The following ABL1 variants were observed in gnomAD, a reference collection of about 807,000 sequenced individuals.
The protein encoded by ABL1 is ABL proto-oncogene 1, non-receptor tyrosine kinase.
ABL1 carries 11 observed loss-of-function variants against 94.7 expected under a neutral mutation model. The ratio of observed to expected loss-of-function variants is 0.12; its 90% CI spans 0.07 to 0.19. The LOEUF is 0.19. Among genes scored for constraint, ABL1 ranks in the 10% least tolerant of loss-of-function variants. The pLI is 1.00. For missense variants in ABL1, 1,082 were observed against 1,489.4 expected (o/e 0.73, Z 4.50); for synonymous variants, 656 against 622.4 (o/e 1.05, Z -0.80).
intron 1 of ABL1, among the ~76,000 whole-genome samples, chr9:130,751,757 C>T (rs1330661588): frequency 6.6e-6 from 1 of 152,208 alleles, no homozygotes; most frequent in Non-Finnish European, 1.5e-5. Context: ...GACTGCTCGT[C>T]CTGCCTCAGA....
chr9:130,875,835 CCTT>C (rs754625838), intron 7 of ABL1, among the ~76,000 whole-genome samples: 14 of 152,078 alleles, frequency 9.2e-5, no homozygotes, highest in East Asian at 1.9e-4. Context: ...CCTCTCTTCT[CCTT>C]CTCCTTCCGA....
chr9:130,834,860 T>G (rs1830538422), upstream of ABL1: 1 of 455,970 alleles, frequency 2.2e-6, no homozygotes, highest in Non-Finnish European at 4.4e-6. Context: ...CAGAGGAATA[T>G]GCATTTTCAC....
intron 1 of ABL1, among the ~76,000 whole-genome samples, chr9:130,852,592 T>G: frequency 6.6e-6 from 1 of 152,212 alleles, no homozygotes. Context: ...AAGATCTACT[T>G]GAGGTTATTT....
chr9:130,744,445 C>T (rs1026761990), intron 1 of ABL1, among the ~76,000 whole-genome samples: 3 of 151,546 alleles, frequency 2.0e-5, no homozygotes, highest in African/African-American at 7.3e-5. Context: ...CTGGCCCCTT[C>T]TTGTTTTTGT....
At chr9:130,847,892 G>A (rs1830797735) in intron 1 of ABL1, among the ~76,000 whole-genome samples, 1 of 152,160 alleles carries the variant, frequency 6.6e-6, no homozygotes, top group South Asian at 2.1e-4. Context: ...ACTTCAAGTG[G>A]ATGGCCACCT....
intron 1 of ABL1, among the ~76,000 whole-genome samples, chr9:130,811,266 G>T (rs1039240328): frequency 1.3e-5 from 2 of 152,176 alleles, no homozygotes; most frequent in African/African-American, 4.8e-5. Flanking sequence ...TCCAGCCTGG[G>T]TGACAGAGTG....
chr9:130,744,000 T>C (rs1289804209), intron 1 of ABL1, among the ~76,000 whole-genome samples: 1 of 152,170 alleles, frequency 6.6e-6, no homozygotes, highest in African/African-American at 2.4e-5. Flanking sequence ...GGAAACAACA[T>C]GCTTGCTGCA....
At chr9:130,856,288 A>G (rs903418489) in intron 3 of ABL1, among the ~76,000 whole-genome samples, 2 of 152,128 alleles carry the variant, frequency 1.3e-5, no homozygotes, top group Non-Finnish European at 2.9e-5. Flanking sequence ...GGGTTTCACC[A>G]TGTTGGTCAG....
intron 1 of ABL1, among the ~76,000 whole-genome samples, chr9:130,753,320 C>G (rs1350619156): frequency 6.6e-6 from 1 of 152,088 alleles, no homozygotes; most frequent in African/African-American, 2.4e-5. Context: ...CTATCACTTC[C>G]TCTGTTCCCA....
chr9:130,752,153 G>A (rs774036592), intron 1 of ABL1, among the ~76,000 whole-genome samples: 9 of 152,156 alleles, frequency 5.9e-5, no homozygotes, highest in South Asian at 2.1e-4. Flanking sequence ...ACGATGACCC[G>A]ACAGAGGCTA....
At chr9:130,752,213 G>T (rs1340797613) in intron 1 of ABL1, among the ~76,000 whole-genome samples, 3 of 152,262 alleles carry the variant, frequency 2.0e-5, no homozygotes, top group South Asian at 4.2e-4. Context: ...GATTCTGAAG[G>T]CAGGCAGGCC....
At chr9:130,816,386 C>T (rs1304613038) in intron 1 of ABL1, among the ~76,000 whole-genome samples, 2 of 151,928 alleles carry the variant, frequency 1.3e-5, no homozygotes, top group Non-Finnish European at 2.9e-5. Context: ...GTTGCCCAGG[C>T]TTATCTCAAA....
At chr9:130,868,151 G>C (rs1308559504) in intron 4 of ABL1, among the ~76,000 whole-genome samples, 1 of 151,966 alleles carries the variant, frequency 6.6e-6, no homozygotes, top group Non-Finnish European at 1.5e-5. Context: ...GTAGAGACAG[G>C]GTTTCACCAT....
intron 3 of ABL1, among the ~76,000 whole-genome samples, chr9:130,855,788 A>G (rs1830965042): frequency 6.6e-6 from 1 of 152,212 alleles, no homozygotes; most frequent in East Asian, 1.9e-4. Flanking sequence ...GGGAGGCATA[A>G]AGAGATCTTG....
In ABL1 at chr9:130,743,016, T is replaced by C. The variant is rs77766383; in HGVS notation, c.136+28561T>C. ...TGGGACTGAATTTGCTTCACCGTTT[T>C]TTTAAAATCTTGATTTAACATTTGT... is the stretch of plus-strand genomic sequence containing the variant. On this transcript the variant is annotated intron_variant, in intron 1 of 10. Transcript: ENST00000372348. Among the ~76,000 whole-genome samples the C allele has an allele frequency of 1.2e-3, 178 of 152,344 alleles. 1 individual carries two copies. The East Asian group carries it at 0.03, about 25-fold the overall frequency.
chr9:130,750,192 CATATATATATATATATATAT>C (rs56263750), intron 1 of ABL1, among the ~76,000 whole-genome samples: 4,851 of 106,412 alleles, frequency 0.046, 410 homozygotes, highest in African/African-American at 0.14. Flanking sequence ...AAAAAAAATA[CATATATATATATATATATAT>C]ATATATATAT....
chr9:130,776,449 A>G (rs1179762561), intron 1 of ABL1, among the ~76,000 whole-genome samples: 4 of 152,152 alleles, frequency 2.6e-5, no homozygotes, highest in African/African-American at 9.7e-5. Flanking sequence ...TACAAAAATT[A>G]TCTGGGCGTG....
At chr9:130,763,275 A>C (rs1410923604) in intron 1 of ABL1, among the ~76,000 whole-genome samples, 1 of 152,080 alleles carries the variant, frequency 6.6e-6, no homozygotes, top group Non-Finnish European at 1.5e-5. Flanking sequence ...AATTTAGCAA[A>C]GTAAAGAATA....
chr9:130,833,542 A>G (rs1830519547), upstream of ABL1, among the ~76,000 whole-genome samples: 1 of 152,332 alleles, frequency 6.6e-6, no homozygotes, highest in Non-Finnish European at 1.5e-5. Context: ...GGGGCCCTGT[A>G]GTCCTGCATC....
Sources: gnomAD v4.1 joint callset for allele counts (sites outside exome capture counted in the v4.1 genomes callset) on GRCh38, gnomAD v4.1.1 for gene constraint, MANE v1.5 for transcripts, NCBI Gene and HGNC (gene_info 2026-07-23, HGNC 2026-07-21) for gene names.